The following ERAP1 variants were observed in gnomAD, a reference collection of about 807,000 sequenced individuals.
ERAP1 encodes the protein adipocyte-derived leucine aminopeptidase.
In ERAP1, 86 loss-of-function variants were observed where a neutral mutation model predicts 103.7. The ratio of observed to expected loss-of-function variants is 0.83; its 90% CI spans 0.70 to 0.99. The LOEUF (loss-of-function observed/expected upper bound fraction) is 0.99, where lower values mean the gene tolerates loss of function less well. Among genes scored for constraint, ERAP1 ranks in the 50% least tolerant of loss-of-function variants. The probability of loss-of-function intolerance (pLI) is 0.00; values close to 1 mark genes in which losing one functional copy is unlikely to be tolerated. For missense variants in ERAP1, 1,009 were observed against 1,128.4 expected, an observed-to-expected ratio of 0.89 and a Z score of 1.52; for synonymous variants, 398 against 402.4, an observed-to-expected ratio of 0.99 and a Z score of 0.13.
At chr5:96,792,233 AT>A (rs1776812513) in intron 7 of ERAP1, 41 bp from the exon 8 acceptor site, 1 of 1,602,830 alleles carries the variant, frequency 6.2e-7, no homozygotes, top group Non-Finnish European at 8.5e-7. Flanking sequence ...TATGATTTAC[AT>A]TTAGATAAAA....
chr5:96,849,712 C>A, the ERAP1 span, among the ~76,000 whole-genome samples: 19 of 151,894 alleles, frequency 1.3e-4, no homozygotes, highest in Admixed American at 2.6e-4. Context: ...CAATGTAATC[C>A]CTATCAAAAT....
intron 3 of ERAP1, among the ~76,000 whole-genome samples, chr5:96,800,642 C>A (rs1425311512): frequency 6.6e-6 from 1 of 152,202 alleles, no homozygotes; most frequent in African/African-American, 2.4e-5. Context: ...CCTGGAATGG[C>A]ACTGTTACTG....
chr5:96,896,965 T>TAAGTCATATGTTGGGTAACGATAGACCG, the ERAP1 span: 2 of 987,684 alleles, frequency 2.0e-6, no homozygotes, highest in Non-Finnish European at 2.8e-6. Flanking sequence ...GTCAACCATA[T>TAAGTCATATGTTGGGTAACGATAGACCG]TTATTCTGCT....
At chr5:96,804,074 C>A in intron 1 of ERAP1, 131 bp from the exon 2 acceptor site, 1 of 988,618 alleles carries the variant, frequency 1.0e-6, no homozygotes, top group Non-Finnish European at 1.5e-6. Flanking sequence ...AGGTCTTTTC[C>A]TGAAAGTAAA....
chr5:96,837,166 G>A, the ERAP1 span, among the ~76,000 whole-genome samples: 1 of 152,078 alleles, frequency 6.6e-6, no homozygotes, highest in Non-Finnish European at 1.5e-5. Flanking sequence ...ACATTCCACT[G>A]GACACACTTT....
intron 18 of ERAP1, among the ~76,000 whole-genome samples, chr5:96,777,368 T>A (rs11738115): frequency 0.091 from 13,800 of 152,210 alleles, 826 homozygotes; most frequent in Middle Eastern, 0.16. Context: ...ATGTAGACCA[T>A]GATGTATTAT....
At chr5:96,896,447 A>G in the ERAP1 span, 5 of 1,613,612 alleles carry the variant, frequency 3.1e-6, no homozygotes, top group South Asian at 2.2e-5. Context: ...CTATCTCCAA[A>G]CCAGCGGAAA....
chr5:96,760,877 A>G (rs985918229), exon 20 of ERAP1: 8 of 151,958 alleles, frequency 5.3e-5, no homozygotes, highest in African/African-American at 7.2e-5. Flanking sequence ...AAATTATTCA[A>G]TGATACATTC....
chr5:96,777,973 T>C (rs1774594896), intron 18 of ERAP1, among the ~76,000 whole-genome samples: 1 of 152,244 alleles, frequency 6.6e-6, no homozygotes. Flanking sequence ...TTTATCCTAC[T>C]AACTTGATTT....
chr5:96,837,798 A>G, the ERAP1 span, among the ~76,000 whole-genome samples: 1 of 152,156 alleles, frequency 6.6e-6, no homozygotes, highest in Non-Finnish European at 1.5e-5. Context: ...TAAAGATGGT[A>G]AATGCGGGGG....
chr5:96,903,645 T>C, the ERAP1 span: 1 of 1,253,562 alleles, frequency 8.0e-7, no homozygotes, highest in Middle Eastern at 2.1e-4. Flanking sequence ...TGTTCAACAT[T>C]GGTCATTGAT....
the ERAP1 span, chr5:96,917,533 G>C: frequency 6.2e-7 from 1 of 1,613,732 alleles, no homozygotes; most frequent in Non-Finnish European, 8.5e-7. Flanking sequence ...TTCTGGAAAC[G>C]ATAACCAAAA....
At chr5:96,930,543 G>C in the ERAP1 span, among the ~76,000 whole-genome samples, 1 of 152,220 alleles carries the variant, frequency 6.6e-6, no homozygotes, top group East Asian at 1.9e-4. Context: ...TGGCTGTGGG[G>C]TCAGCCTGTC....
the ERAP1 span, among the ~76,000 whole-genome samples, chr5:96,856,359 TATATATAG>T: frequency 3.8e-4 from 13 of 34,116 alleles, no homozygotes; most frequent in Non-Finnish European, 6.3e-4. Flanking sequence ...AATATATATA[TATATATAG>T]AGAGAGAGAG....
rs1170639970 is a variant in ERAP1, at chr5:96,793,738, A to C, written c.1074+65T>G. ...AAGTAAAAATTATATAAATAGCCTT[A>C]TATGTCCCATAGAAGCAATATAAAT... is the stretch of plus-strand genomic sequence containing the variant. On this transcript the variant is annotated intron_variant, in intron 6 of 18. Transcript: ENST00000443439. The C allele has an allele frequency of 3.6e-6, 5 of 1,388,952 alleles. No homozygotes were observed. In the Admixed American group the frequency reaches 6.5e-5, roughly 18 times the overall value. 86.0% of individuals were successfully genotyped at this position (1,388,952 alleles called of 1,614,324 possible). A position where few individuals can be genotyped will look rare whatever the true frequency, so the allele number is the denominator to read the frequency against.
the ERAP1 span, among the ~76,000 whole-genome samples, chr5:96,846,270 G>A: frequency 6.6e-6 from 1 of 152,040 alleles, no homozygotes; most frequent in African/African-American, 2.4e-5. Flanking sequence ...TTTATTTGAT[G>A]GTAATACACA....
rs1775208918 is a variant in ERAP1 at position 96,781,805 on chromosome 5, TGCTCTGG to T, written c.2328_2334del (p.Ser778LysfsTer39). 2 of 1,614,122 alleles carry T rather than the reference TGCTCTGG, an allele frequency of 1.2e-6. No homozygotes were observed. The highest frequency in any genetic ancestry group is 1.7e-6 in the Non-Finnish European group (2 of 1,180,024). On this transcript the variant is annotated frameshift_variant, in exon 16 of 19. Transcript: ENST00000443439. LOFTEE classifies it high-confidence loss of function. The stretch of plus-strand genomic sequence containing the variant: ...CTATAAAGAAAATCCCAGCCTTCTG[TGCTCTGG>T]GCCCCCACAGCAAACACTGCCAAGG...
chr5:96,828,135 T>C, the ERAP1 span, among the ~76,000 whole-genome samples: 4 of 152,210 alleles, frequency 2.6e-5, no homozygotes, highest in East Asian at 7.7e-4. Flanking sequence ...AACAGAACCA[T>C]TGAAAACGTA....
At chr5:96,840,852 C>T in the ERAP1 span, among the ~76,000 whole-genome samples, 495 of 152,012 alleles carry the variant, frequency 3.3e-3, 3 homozygotes, top group African/African-American at 0.011. Flanking sequence ...ACTACAGGCG[C>T]GCACCACCAC....
Sources: allele counts gnomAD v4.1 joint callset (sites outside exome capture counted in the v4.1 genomes callset), GRCh38; gene constraint gnomAD v4.1.1; transcripts MANE v1.5; gene names NCBI Gene and HGNC (gene_info 2026-07-23, HGNC 2026-07-21).